The following ADGRE3 variants were observed in gnomAD, a reference collection of about 807,000 sequenced individuals.
ADGRE3 encodes adhesion G protein-coupled receptor E3, also known as EGF-like module receptor 3.
A neutral mutation model predicts 80.1 loss-of-function variants in ADGRE3; 88 were observed. That is an observed-to-expected ratio of 1.10 (90% confidence interval 0.93 to 1.31). ADGRE3 has a LOEUF of 1.31. ADGRE3 is among the 40% of genes most tolerant of loss of function. ADGRE3 has a pLI of 0.00. For synonymous variants in ADGRE3, 281 were observed against 294.8 expected (o/e 0.95, Z 0.48); for missense variants, 715 against 776.5 (o/e 0.92, Z 0.94).
intron 15 of ADGRE3, chr19:14,621,500 A>C (rs1298937582): frequency 1.9e-6 from 1 of 526,962 alleles, no homozygotes; most frequent in East Asian, 2.8e-5. Context: ...GGTTCTCACT[A>C]TGTTGCCCAG....
chr19:14,640,372 CT>C (rs1971215569), intron 10 of ADGRE3, among the ~76,000 whole-genome samples: 1 of 152,096 alleles, frequency 6.6e-6, no homozygotes, highest in South Asian at 2.1e-4. Context: ...TCACTGCAGC[CT>C]CTGCCTCCCG....
At chr19:14,637,131 T>G (rs1342063236) in intron 11 of ADGRE3, among the ~76,000 whole-genome samples, 1 of 152,000 alleles carries the variant, frequency 6.6e-6, no homozygotes. Context: ...AAATTAAGTT[T>G]CCCCTTGAGA....
At chr19:14,600,742 C>T in the ADGRE3 span, among the ~76,000 whole-genome samples, 1 of 150,428 alleles carries the variant, frequency 6.6e-6, no homozygotes, top group African/African-American at 2.4e-5. Flanking sequence ...CCACCACGCC[C>T]GGCTAATTTT....
At chr19:14,612,220 A>G in the ADGRE3 span, among the ~76,000 whole-genome samples, 1 of 152,152 alleles carries the variant, frequency 6.6e-6, no homozygotes, top group African/African-American at 2.4e-5. Flanking sequence ...TCCAAGATCA[A>G]GGTGTTGGCA....
Position 14,641,576 on chromosome 19 carries a change from A to G in ADGRE3, c.1091T>C (p.Leu364Pro), listed in dbSNP as rs780020679. Reference protein sequence around the residue: ...PVLTVITYVGLSVSLLCLLLA... With the variant: ...PVLTVITYVGPSVSLLCLLLA... The stretch of plus-strand genomic sequence containing the variant: ...GAGGAGGCACAGCAGAGAGACGCTC[A>G]GCCCCACGTAGGTGATGACAGTCAG... Residue 364 changes from leucine (L) to proline (P), a missense_variant, in exon 10 of 16, where the codon CTG (leucine) becomes CCG (proline). By Grantham distance (98) the Leu-to-Pro change is moderately conservative (BLOSUM62 -3). Coordinates refer to ENST00000253673, the MANE Select transcript of ADGRE3 (RefSeq NM_032571.5). 1 of 1,614,206 alleles carries G rather than the reference A, an allele frequency of 6.2e-7. No individual in the cohort carries two copies. Among genetic ancestry groups the G allele is most frequent in the South Asian group, 1.1e-5 (1 of 91,092 alleles).
rs139354391 is a variant in ADGRE3, at chr19:14,656,309, A to G, written c.394-1144T>C. 6.2e-3 allele frequency among the ~76,000 whole-genome samples: 913 copies of G among 148,250 alleles called. 9 individuals are homozygous for G. The highest frequency in any genetic ancestry group is 0.022 in the African/African-American group (872 of 40,064). ...GCAGATGTTGTAGTGAGCCGAGATCACATCACTGCACTCCAGCCTGGGTGA... is the reference window on the plus strand; with the variant it reads ...GCAGATGTTGTAGTGAGCCGAGATCGCATCACTGCACTCCAGCCTGGGTGA... On this transcript the variant is annotated intron_variant, in intron 5 of 15. Coordinates refer to ENST00000253673, the MANE Select transcript of ADGRE3 (RefSeq NM_032571.5).
chr19:14,657,516 C>A (rs143898708), intron 5 of ADGRE3, among the ~76,000 whole-genome samples: 4 of 151,198 alleles, frequency 2.6e-5, no homozygotes, highest in Non-Finnish European at 5.9e-5. Flanking sequence ...TATGTATGTA[C>A]GTACATGCAC....
the ADGRE3 span, among the ~76,000 whole-genome samples, chr19:14,612,489 C>T: frequency 2.0e-5 from 3 of 152,190 alleles, no homozygotes; most frequent in Admixed American, 6.5e-5. Flanking sequence ...TGTGCACCAC[C>T]GTGCCTGGTT....
At chr19:14,625,640 A>G in intron 14 of ADGRE3, 41 bp from the exon 15 acceptor site, 2 of 1,262,264 alleles carry the variant, frequency 1.6e-6, no homozygotes, top group Non-Finnish European at 2.3e-6. Flanking sequence ...TTTTGCTAAC[A>G]TTGGTGAACA....
intron 14 of ADGRE3, among the ~76,000 whole-genome samples, chr19:14,627,488 T>C (rs970250987): frequency 6.6e-6 from 1 of 152,072 alleles, no homozygotes; most frequent in Non-Finnish European, 1.5e-5. Context: ...AGTGATTCTC[T>C]AGCCTCAGCC....
intron 6 of ADGRE3, among the ~76,000 whole-genome samples, chr19:14,654,171 T>C (rs1971683810): frequency 6.6e-6 from 1 of 152,006 alleles, no homozygotes; most frequent in Non-Finnish European, 1.5e-5. Context: ...CAGGCTGATC[T>C]CAAACTACTG....
intron 14 of ADGRE3, among the ~76,000 whole-genome samples, chr19:14,626,162 T>C (rs112548866): frequency 0.1 from 15,354 of 152,094 alleles, 952 homozygotes; most frequent in African/African-American, 0.17. Flanking sequence ...TATGGCCAGG[T>C]GTGGTGGCTC....
chr19:14,607,394 G>T, the ADGRE3 span, among the ~76,000 whole-genome samples: 2 of 151,412 alleles, frequency 1.3e-5, no homozygotes, highest in Non-Finnish European at 1.5e-5. Context: ...TAGTAGAGAC[G>T]GGGTTTCACC....
In ADGRE3 at chr19:14,632,934, T is replaced by C; in HGVS notation, c.1630A>G (p.Ile544Val). The change falls in exon 13 of 16, where the codon ATC becomes GTC. Residue 544 changes from isoleucine (I) to valine (V), a missense_variant. Ile to Val is a conservative substitution (Grantham distance 29). Transcript: ENST00000253673. ...LSSLNSEVST[I>V]QNTRMLAFKA... is the part of the protein sequence containing the mutation. ...GTCACATCCTACCTTGTGTTCTGGATGGTTGACACTTCACTATTGAGGGAG... is the reference window on the plus strand; with the variant it reads ...GTCACATCCTACCTTGTGTTCTGGACGGTTGACACTTCACTATTGAGGGAG... 1 of 1,610,240 alleles carries C rather than the reference T, an allele frequency of 6.2e-7. No homozygotes were observed. The highest frequency in any genetic ancestry group is 8.5e-7 in the Non-Finnish European group (1 of 1,176,502).
chr19:14,605,417 T>C, the ADGRE3 span, among the ~76,000 whole-genome samples: 23 of 152,158 alleles, frequency 1.5e-4, no homozygotes, highest in Non-Finnish European at 3.2e-4. Context: ...TTTTAAGGAA[T>C]CTTGGTTTGG....
At chr19:14,648,863 G>A (rs556331363) in intron 7 of ADGRE3, among the ~76,000 whole-genome samples, 3 of 152,034 alleles carry the variant, frequency 2.0e-5, no homozygotes, top group African/African-American at 7.2e-5. Context: ...TGGACATGTC[G>A]GCCTTCCATA....
Position 14,632,994 on chromosome 19 carries a change from TAAAC to T in ADGRE3, c.1566_1569del (p.Phe523SerfsTer7). On this transcript the variant is annotated frameshift_variant, in exon 13 of 16. Coordinates refer to ENST00000253673, the MANE Select transcript of ADGRE3 (RefSeq NM_032571.5). LOFTEE classifies it high-confidence loss of function. ...CTTTTCAAAATCCAAAAGACCAAGATAAACAATACTAAATTCGCCTGCAGGACCA... is the reference window on the plus strand; with the variant it reads ...CTTTTCAAAATCCAAAAGACCAAGATAATACTAAATTCGCCTGCAGGACCA... 1 of 1,613,714 alleles carries T rather than the reference TAAAC, an allele frequency of 6.2e-7. No individual in the cohort carries two copies. Among genetic ancestry groups the T allele is most frequent in the Non-Finnish European group, 8.5e-7 (1 of 1,179,658 alleles).
chr19:14,663,620 C>T, intron 2 of ADGRE3, 80 bp from the exon 3 acceptor site: 1 of 1,489,916 alleles, frequency 6.7e-7, no homozygotes, highest in South Asian at 1.3e-5. Context: ...CTCTTGATCA[C>T]CTGAGGTCAG....
rs1568471697 is a variant in ADGRE3 at position 14,620,566 on chromosome 19, ATATTTTTTTTTTTTTTTTT to A, written c.1921-1114_1921-1096del. The stretch of plus-strand genomic sequence containing the variant: ...ATATATATTATATATATATATATAT[ATATTTTTTTTTTTTTTTTT>A]TTTTTTTTTTTTGAGACAGGGTTTT... On this transcript the variant is annotated intron_variant, in intron 15 of 15. Transcript: ENST00000253673. Among the ~76,000 whole-genome samples the A allele has an allele frequency of 7.1e-3, 114 of 16,042 alleles. 7 individuals carry two copies. The highest frequency in any genetic ancestry group is 0.01 in the Non-Finnish European group (96 of 9,150). 10.5% of individuals were successfully genotyped at this position (16,042 alleles called of 152,430 possible).
Sources: gnomAD v4.1 joint callset for allele counts (sites outside exome capture counted in the v4.1 genomes callset) on GRCh38, gnomAD v4.1.1 for gene constraint, MANE v1.5 for transcripts, NCBI Gene and HGNC (gene_info 2026-07-23, HGNC 2026-07-21) for gene names.